EGFR: variants seen among roughly 807,000 people sequenced by gnomAD.
EGFR encodes epidermal growth factor receptor, also known as avian erythroblastic leukemia viral (v-erb-b) oncogene homolog.
A neutral mutation model predicts 143.0 loss-of-function variants in EGFR; 58 were observed. That is an observed-to-expected ratio of 0.41 (90% confidence interval 0.33 to 0.50). EGFR has a LOEUF of 0.50. Among genes scored for constraint, EGFR ranks in the 20% least tolerant of loss-of-function variants. The probability of loss-of-function intolerance (pLI) is 0.39; values close to 1 mark genes in which losing one functional copy is unlikely to be tolerated. For synonymous variants in EGFR, 613 were observed against 594.4 expected (o/e 1.03, Z -0.45); for missense variants, 1,307 against 1,579.0 (o/e 0.83, Z 2.92).
chr7:55,049,252 G>A (rs943813627), intron 1 of EGFR, among the ~76,000 whole-genome samples: 1 of 152,080 alleles, frequency 6.6e-6, no homozygotes, highest in African/African-American at 2.4e-5. Flanking sequence ...AAGCTCTACC[G>A]CCTGTTTATA....
chr7:55,019,439 C>T, intron 1 of EGFR, 74 bp downstream of exon 1: 1 of 947,720 alleles, frequency 1.1e-6, no homozygotes, highest in Non-Finnish European at 1.3e-6. Flanking sequence ...CCCAACCGCG[C>T]ACCGGCGCAC....
intron 1 of EGFR, among the ~76,000 whole-genome samples, chr7:55,030,518 G>A (rs1003190894): frequency 2.6e-5 from 4 of 152,108 alleles, no homozygotes; most frequent in East Asian, 1.9e-4. Flanking sequence ...ACTTTTCAAC[G>A]TTGTGTCATC....
chr7:55,075,991 C>A (rs1269948992), intron 1 of EGFR, among the ~76,000 whole-genome samples: 1 of 152,150 alleles, frequency 6.6e-6, no homozygotes, highest in Non-Finnish European at 1.5e-5. Flanking sequence ...AATGTCCAAG[C>A]CTGTTTACCT....
rs778075962 is a variant in EGFR at position 55,173,918 on chromosome 7, C to G, written c.2062-3C>G. 11 of 1,614,148 alleles carry G rather than the reference C, an allele frequency of 6.8e-6. No homozygotes were observed. In the African/African-American group the frequency reaches 1.2e-4, roughly 18 times the overall value. ...CTTGTCTCTGTGTTCTTGTCCCCCCCAGCTTGTGGAGCCTCTTACACCCAG... is the reference window on the plus strand; with the variant it reads ...CTTGTCTCTGTGTTCTTGTCCCCCCGAGCTTGTGGAGCCTCTTACACCCAG... On this transcript the variant is annotated splice_region_variant and splice_polypyrimidine_tract_variant and intron_variant, in intron 17 of 27. Coordinates refer to ENST00000275493, the MANE Select transcript of EGFR (RefSeq NM_005228.5).
At chr7:55,024,040 G>T (rs991409522) in intron 1 of EGFR, among the ~76,000 whole-genome samples, 2 of 152,170 alleles carry the variant, frequency 1.3e-5, no homozygotes, top group African/African-American at 4.8e-5. Context: ...TAACTAGTTT[G>T]CCTGTAATTT....
chr7:55,121,215 A>G (rs890052380), intron 1 of EGFR, among the ~76,000 whole-genome samples: 61 of 152,200 alleles, frequency 4.0e-4, no homozygotes, highest in African/African-American at 1.4e-3. Context: ...GCTGCTTACA[A>G]CCATACATAG....
intron 1 of EGFR, among the ~76,000 whole-genome samples, chr7:55,022,104 C>G (rs1786603931): frequency 6.6e-6 from 1 of 152,168 alleles, no homozygotes; most frequent in Admixed American, 6.5e-5. Flanking sequence ...TGCATTCCTG[C>G]CGAGTTCCTC....
Position 55,143,477 on chromosome 7 carries a change from G to T in EGFR, c.413G>T (p.Arg138Ile). Residue 138 changes from arginine to isoleucine, a missense_variant, in exon 3 of 28, where the codon AGA becomes ATA. This residue lies in a region of EGFR where 311 missense variants were observed against 412.3 expected (regional missense o/e 0.75). Transcript: ENST00000275493. Reference protein sequence around the residue: ...NKTGLKELPMRNLQEILHGAV... With the variant: ...NKTGLKELPMINLQEILHGAV... ...ACCGGACTGAAGGAGCTGCCCATGA[G>T]AAATTTACAGGGTGAGAGGCTGGGA... is the stretch of plus-strand genomic sequence containing the variant. 1.2e-6 allele frequency: 2 copies of T among 1,614,188 alleles called. No homozygotes were observed. The highest frequency in any genetic ancestry group is 1.7e-6 in the Non-Finnish European group (2 of 1,180,038).
intron 20 of EGFR, among the ~76,000 whole-genome samples, chr7:55,184,726 G>A (rs933666140): frequency 1.3e-5 from 2 of 152,118 alleles, no homozygotes; most frequent in Non-Finnish European, 2.9e-5. Context: ...TTAACGCTTT[G>A]TCTCTGTTAG....
chr7:55,128,541 G>A (rs1233914981), intron 1 of EGFR, among the ~76,000 whole-genome samples: 7 of 152,156 alleles, frequency 4.6e-5, no homozygotes, highest in Non-Finnish European at 7.3e-5. Context: ...AATATACGAC[G>A]TGTGTTCTGT....
At chr7:55,136,800 GC>G (rs1160538540) in intron 1 of EGFR, among the ~76,000 whole-genome samples, 1 of 152,200 alleles carries the variant, frequency 6.6e-6, no homozygotes, top group African/African-American at 2.4e-5. Context: ...CAATCAAGAG[GC>G]TAAACAGCTG....
At chr7:55,126,990 G>A (rs1451541646) in intron 1 of EGFR, among the ~76,000 whole-genome samples, 1 of 152,124 alleles carries the variant, frequency 6.6e-6, no homozygotes, top group Non-Finnish European at 1.5e-5. Flanking sequence ...GAATAGACTT[G>A]GGGGCAGTGC....
At chr7:55,181,515 G>A (rs1786877962) in intron 20 of EGFR, 37 bp downstream of exon 20, 1 of 1,613,982 alleles carries the variant, frequency 6.2e-7, no homozygotes, top group Non-Finnish European at 8.5e-7. Flanking sequence ...GGGGAGATAA[G>A]GAGCCAGGAT....
chr7:55,061,566 G>T (rs548320146), intron 1 of EGFR, among the ~76,000 whole-genome samples: 8 of 151,966 alleles, frequency 5.3e-5, no homozygotes, highest in South Asian at 2.1e-4. Flanking sequence ...CACATTTGCT[G>T]TGTGAAAGGC....
intron 1 of EGFR, among the ~76,000 whole-genome samples, chr7:55,085,858 C>G (rs933263768): frequency 2.0e-5 from 3 of 152,170 alleles, no homozygotes; most frequent in Admixed American, 2.0e-4. Context: ...CCAACTGATG[C>G]AGTGGCAGAA....
intron 1 of EGFR, among the ~76,000 whole-genome samples, chr7:55,033,900 C>A (rs1787410771): frequency 6.6e-6 from 1 of 152,228 alleles, no homozygotes; most frequent in South Asian, 2.1e-4. Flanking sequence ...CTTCATTTCA[C>A]TTCAGAAACC....
intron 11 of EGFR, among the ~76,000 whole-genome samples, chr7:55,159,438 A>G (rs1785591309): frequency 6.6e-6 from 1 of 152,182 alleles, no homozygotes; most frequent in South Asian, 2.1e-4. Flanking sequence ...TGGACCACCC[A>G]ATAGCATCCT....
chr7:55,195,477 A>G (rs975235469), intron 22 of EGFR, among the ~76,000 whole-genome samples: 1 of 152,054 alleles, frequency 6.6e-6, no homozygotes, highest in Non-Finnish European at 1.5e-5. Flanking sequence ...TGTTATATCT[A>G]TATTGTGGTT....
rs201383738 is a variant in EGFR, at chr7:55,202,486, C to T, written c.3163-31C>T. The T allele has an allele frequency of 1.5e-4, 226 of 1,557,416 alleles. No homozygotes were observed. The African/African-American group carries it at 2.2e-3, about 15-fold the overall frequency. On this transcript the variant is annotated intron_variant, in intron 26 of 27. Coordinates refer to ENST00000275493, the MANE Select transcript of EGFR (RefSeq NM_005228.5). ...ACACTGAAGTTGGGGCAGCCCTGAC[C>T]GGAGTAACCTTCCCTCATTTCCTCC... is the stretch of plus-strand genomic sequence containing the variant.
Sources: gnomAD v4.1 joint callset for allele counts (sites outside exome capture counted in the v4.1 genomes callset) on GRCh38, gnomAD v4.1.1 for gene constraint, gnomAD v4.1.1 regional missense constraint, MANE v1.5 for transcripts, NCBI Gene and HGNC (gene_info 2026-07-23, HGNC 2026-07-21) for gene names.